EIF3H: variants seen among roughly 807,000 people sequenced by gnomAD.
EIF3H encodes the protein eIF-3-gamma.
Under a neutral mutation model 44.2 loss-of-function variants are expected in EIF3H, and 26 were observed. That is an observed-to-expected ratio of 0.59 (90% CI 0.43 to 0.82). The LOEUF is 0.82. Among genes scored for constraint, EIF3H ranks in the 40% least tolerant of loss-of-function variants. The probability of loss-of-function intolerance (pLI) is 0.00; values close to 1 mark genes in which losing one functional copy is unlikely to be tolerated. For synonymous variants in EIF3H, 166 were observed against 151.9 expected (o/e 1.09, Z -0.68); for missense variants, 359 against 432.8 (o/e 0.83, Z 1.51).
chr8:116,656,141 AG>A, intron 4 of EIF3H, 136 bp from the exon 5 acceptor site: 2 of 684,182 alleles, frequency 2.9e-6, no homozygotes, highest in Non-Finnish European at 4.6e-6. Flanking sequence ...AAAAAAAAGT[AG>A]AGAAACTGGA....
At position 116,699,803 on chromosome 8, in the gene EIF3H, G is replaced by T. The variant is rs552370452; in HGVS notation, c.289+26213C>A. 6.3e-3 allele frequency among the ~76,000 whole-genome samples: 960 copies of T among 151,640 alleles called. 8 individuals carry two copies. The highest frequency in any genetic ancestry group is 0.031 in the Middle Eastern group (9 of 292). On this transcript the variant is annotated intron_variant, in intron 2 of 7. Transcript: ENST00000521861. ...GGCAAATGACAGTGCAGGTTTTTTG[G>T]TTTTTTTTGTTTGTTTGTTTGTTTG...
At chr8:116,713,948 T>G (rs1814617323) in intron 2 of EIF3H, among the ~76,000 whole-genome samples, 1 of 152,076 alleles carries the variant, frequency 6.6e-6, no homozygotes, top group African/African-American at 2.4e-5. Flanking sequence ...TTTTACTAAA[T>G]ATTTTAAATA....
chr8:116,702,089 G>C (rs1395837114), intron 2 of EIF3H, among the ~76,000 whole-genome samples: 1 of 152,144 alleles, frequency 6.6e-6, no homozygotes, highest in African/African-American at 2.4e-5. Flanking sequence ...GCCAGGGTCA[G>C]CACCAGGGGT....
At chr8:116,738,034 CAAA>C (rs750259420) in intron 1 of EIF3H, among the ~76,000 whole-genome samples, 1 of 68,492 alleles carries the variant, frequency 1.5e-5, no homozygotes. Flanking sequence ...GGCTCCATCT[CAAA>C]AAAAAAAAAA....
At chr8:116,734,431 T>A (rs1437498584) in intron 1 of EIF3H, 2 of 454,342 alleles carry the variant, frequency 4.4e-6, no homozygotes, top group Admixed American at 4.7e-5. Context: ...ATTTCATAAA[T>A]CACACAAGTT....
At chr8:116,707,761 G>A (rs2130892688) in intron 2 of EIF3H, among the ~76,000 whole-genome samples, 1 of 152,188 alleles carries the variant, frequency 6.6e-6, no homozygotes, top group East Asian at 1.9e-4. Flanking sequence ...ACCTCTGCCA[G>A]AAAACCCAGA....
At chr8:116,762,675 T>C (rs938107234) in intron 1 of EIF3H, among the ~76,000 whole-genome samples, 1 of 152,212 alleles carries the variant, frequency 6.6e-6, no homozygotes, top group Non-Finnish European at 1.5e-5. Context: ...GGCTCACGCC[T>C]GTAATCCCAG....
intron 2 of EIF3H, among the ~76,000 whole-genome samples, chr8:116,663,972 G>T (rs1813626912): frequency 6.7e-6 from 1 of 150,010 alleles, no homozygotes; most frequent in Non-Finnish European, 1.5e-5. Context: ...GTTACTATTA[G>T]GCCAACTCAA....
intron 2 of EIF3H, among the ~76,000 whole-genome samples, chr8:116,719,540 C>T (rs1225455066): frequency 2.0e-5 from 3 of 151,710 alleles, no homozygotes; most frequent in Non-Finnish European, 4.4e-5. Flanking sequence ...GGACAGCACA[C>T]AAATAAAAAA....
At chr8:116,713,058 T>C (rs902357850) in intron 2 of EIF3H, among the ~76,000 whole-genome samples, 5 of 152,178 alleles carry the variant, frequency 3.3e-5, no homozygotes, top group African/African-American at 1.2e-4. Context: ...GGCTATTACC[T>C]TAAAGTTTAG....
At chr8:116,749,473 T>C (rs1291057127) in intron 1 of EIF3H, among the ~76,000 whole-genome samples, 2 of 152,226 alleles carry the variant, frequency 1.3e-5, no homozygotes, top group Non-Finnish European at 2.9e-5. Context: ...ACATGGATCA[T>C]ACTTTGAATA....
chr8:116,737,200 C>G (rs1441023367), intron 1 of EIF3H: 1 of 427,118 alleles, frequency 2.3e-6, no homozygotes, highest in Non-Finnish European at 4.6e-6. Context: ...ACATTCAAAC[C>G]TGAAGGACAG....
chr8:116,678,932 C>T (rs2130834581), intron 2 of EIF3H, among the ~76,000 whole-genome samples: 2 of 104,876 alleles, frequency 1.9e-5, no homozygotes, highest in South Asian at 7.5e-4. Flanking sequence ...GCCCGGCCGC[C>T]CCTACTGGGA....
At chr8:116,761,864 C>A (rs1260626092) in intron 1 of EIF3H, among the ~76,000 whole-genome samples, 1 of 152,206 alleles carries the variant, frequency 6.6e-6, no homozygotes, top group African/African-American at 2.4e-5. Context: ...TAACTGACAA[C>A]TGGATGACAC....
At chr8:116,746,354 T>C (rs1815235235) in intron 1 of EIF3H, among the ~76,000 whole-genome samples, 1 of 152,242 alleles carries the variant, frequency 6.6e-6, no homozygotes, top group Non-Finnish European at 1.5e-5. Flanking sequence ...AAACTATTTG[T>C]ACCCACGTCT....
At chr8:116,681,433 G>C (rs548928298) in intron 2 of EIF3H, among the ~76,000 whole-genome samples, 1 of 152,008 alleles carries the variant, frequency 6.6e-6, no homozygotes, top group South Asian at 2.1e-4. Flanking sequence ...CTGGGAGGTC[G>C]AGGCGGGCGG....
chr8:116,644,126 A>C lies in EIF3H; in HGVS notation c.*880T>G, dbSNP rs779865387. On this transcript the variant is annotated 3_prime_UTR_variant, in exon 8 of 8. Transcript: ENST00000521861. ...GTGGCCTGTCCAGGAGTGGTGGCTC[A>C]TGCCTGTATTCCCAGCACTTTGGGA... 1 of 152,258 alleles carries C rather than the reference A, an allele frequency of 6.6e-6. No individual in the cohort carries two copies. Among genetic ancestry groups the C allele is most frequent in the Non-Finnish European group, 1.5e-5 (1 of 68,092 alleles). 9.4% of individuals were successfully genotyped at this position (152,258 alleles called of 1,614,324 possible).
At chr8:116,715,148 T>A (rs982935906) in intron 2 of EIF3H, among the ~76,000 whole-genome samples, 10 of 152,080 alleles carry the variant, frequency 6.6e-5, no homozygotes, top group Admixed American at 2.0e-4. Context: ...TCTAAATACA[T>A]CAATATTTTA....
chr8:116,738,123 G>A (rs1815073997), intron 1 of EIF3H, among the ~76,000 whole-genome samples: 1 of 150,870 alleles, frequency 6.6e-6, no homozygotes, highest in South Asian at 2.1e-4. Context: ...TGGAGCATGT[G>A]TTTGTTTTTA....
Sources: gnomAD v4.1 joint callset for allele counts (sites outside exome capture counted in the v4.1 genomes callset) on GRCh38, gnomAD v4.1.1 for gene constraint, MANE v1.5 for transcripts, NCBI Gene and HGNC (gene_info 2026-07-23, HGNC 2026-07-21) for gene names.